RORA: variants seen among roughly 807,000 people sequenced by gnomAD.
RORA encodes the protein RAR related orphan receptor A, also known as nuclear receptor ROR-alpha.
Under a neutral mutation model 69.5 loss-of-function variants are expected in RORA, and 7 were observed. That is an observed-to-expected ratio of 0.10 (90% CI 0.06 to 0.19). The LOEUF is 0.19. RORA is among the 10% of genes least tolerant of loss of function. RORA has a pLI of 1.00. For missense variants in RORA, 457 were observed against 663.0 expected (o/e 0.69, Z 3.41); for synonymous variants, 261 against 240.8 (o/e 1.08, Z -0.78).
chr15:61,127,034 C>T lies in RORA; in HGVS notation c.166+102019G>A, dbSNP rs140843430. On this transcript the variant is annotated intron_variant, in intron 1 of 10. Transcript: ENST00000335670. ...AGCAGCAAACTGAAACACACACACA[C>T]TAAAATCAGATTGCAATTAAAATCC... Among the ~76,000 whole-genome samples, 768 of 152,294 alleles carry T rather than the reference C, an allele frequency of 5.0e-3. 10 individuals are homozygous for T. The highest frequency in any genetic ancestry group is 0.018 in the African/African-American group (728 of 41,552).
intron 1 of RORA, among the ~76,000 whole-genome samples, chr15:60,792,652 A>G (rs2072434034): frequency 6.6e-6 from 1 of 152,254 alleles, no homozygotes; most frequent in Non-Finnish European, 1.5e-5. Flanking sequence ...TCTTTAAGGT[A>G]CAGACTGAAA....
chr15:60,900,596 G>A (rs1051797756), intron 1 of RORA, among the ~76,000 whole-genome samples: 6 of 152,070 alleles, frequency 3.9e-5, no homozygotes, highest in South Asian at 2.1e-4. Flanking sequence ...CATATGGGCT[G>A]GGTGCAGTGG....
chr15:61,152,365 A>G (rs1179631879), intron 1 of RORA, among the ~76,000 whole-genome samples: 1 of 152,140 alleles, frequency 6.6e-6, no homozygotes, highest in Non-Finnish European at 1.5e-5. Flanking sequence ...ATTCACTGTG[A>G]GGAAAAGAGT....
At chr15:61,107,194 A>G (rs2140770741) in intron 1 of RORA, among the ~76,000 whole-genome samples, 1 of 152,330 alleles carries the variant, frequency 6.6e-6, no homozygotes, top group African/African-American at 2.4e-5. Context: ...CCAAAGCTAA[A>G]CACACAGGAG....
chr15:61,143,874 G>C (rs762376940), intron 1 of RORA, among the ~76,000 whole-genome samples: 1 of 151,894 alleles, frequency 6.6e-6, no homozygotes, highest in Non-Finnish European at 1.5e-5. Context: ...ATTAGGCAAG[G>C]AACAAAAACC....
intron 1 of RORA, among the ~76,000 whole-genome samples, chr15:60,899,465 G>A (rs2140465978): frequency 6.6e-6 from 1 of 152,324 alleles, no homozygotes; most frequent in South Asian, 2.1e-4. Context: ...TATAGTGACT[G>A]AGTGAAAAGT....
intron 1 of RORA, among the ~76,000 whole-genome samples, chr15:61,065,051 A>AT (rs2078238143): frequency 6.6e-6 from 1 of 152,216 alleles, no homozygotes; most frequent in Admixed American, 6.5e-5. Flanking sequence ...AGGCTCCAGA[A>AT]TGTATCACAA....
chr15:61,140,496 T>C (rs1402950413), intron 1 of RORA, among the ~76,000 whole-genome samples: 3 of 152,280 alleles, frequency 2.0e-5, no homozygotes, highest in East Asian at 1.9e-4. Context: ...TTAATTGTTA[T>C]CTGCTTGAAC....
At chr15:60,582,856 T>A (rs958647906) in intron 2 of RORA, among the ~76,000 whole-genome samples, 4 of 152,200 alleles carry the variant, frequency 2.6e-5, no homozygotes, top group African/African-American at 7.2e-5. Flanking sequence ...TTTGATTCAG[T>A]TCCCTGATGT....
At chr15:60,970,444 A>T (rs372208187) in intron 1 of RORA, among the ~76,000 whole-genome samples, 1 of 152,168 alleles carries the variant, frequency 6.6e-6, no homozygotes, top group African/African-American at 2.4e-5. Flanking sequence ...CGTGCCAGGC[A>T]TTGTATGAGG....
At chr15:61,112,281 G>A (rs189162314) in intron 1 of RORA, among the ~76,000 whole-genome samples, 13 of 152,188 alleles carry the variant, frequency 8.5e-5, no homozygotes, top group South Asian at 2.1e-4. Flanking sequence ...GTATTGATCC[G>A]TCATGGACTG....
At chr15:60,516,037 A>T (rs866851113) in intron 3 of RORA, among the ~76,000 whole-genome samples, 3,758 of 11,368 alleles carry the variant, frequency 0.33, 842 homozygotes, top group East Asian at 0.6. Context: ...ATTTATATAT[A>T]TTTATATATT....
At chr15:60,506,552 G>A (rs72748703) in intron 5 of RORA, among the ~76,000 whole-genome samples, 2,022 of 152,236 alleles carry the variant, frequency 0.013, 24 homozygotes, top group Middle Eastern at 0.02. Context: ...AATTGAAGCT[G>A]TCAGAAAAGG....
At chr15:61,184,104 G>A (rs777531963) in intron 1 of RORA, among the ~76,000 whole-genome samples, 1 of 152,180 alleles carries the variant, frequency 6.6e-6, no homozygotes, top group Non-Finnish European at 1.5e-5. Flanking sequence ...ATGTGAGAAT[G>A]TACTTGCTTC....
In RORA at chr15:60,866,820, T is replaced by TTATCTATCTATCTATCTATC. The variant is rs535434841; in HGVS notation, c.167-188154_167-188135dup. 3.6e-3 allele frequency among the ~76,000 whole-genome samples: 525 copies of TTATCTATCTATCTATCTATC among 146,782 alleles called. 1 individual carries two copies. Among genetic ancestry groups the TTATCTATCTATCTATCTATC allele is most frequent in the Middle Eastern group, 6.8e-3 (2 of 294 alleles). On this transcript the variant is annotated intron_variant, in intron 1 of 10. Transcript: ENST00000335670. ...GGTGTTCCTGAGTTGTATCTTATCT[T>TTATCTATCTATCTATCTATC]TATCTATCTATCTATCTATCTATCT...
intron 1 of RORA, among the ~76,000 whole-genome samples, chr15:61,029,086 G>A (rs1205080832): frequency 6.6e-6 from 1 of 151,872 alleles, no homozygotes; most frequent in Non-Finnish European, 1.5e-5. Context: ...ACACCTCTGT[G>A]AATATATTAA....
chr15:60,538,022 C>T (rs2066732071), intron 2 of RORA, among the ~76,000 whole-genome samples: 1 of 152,086 alleles, frequency 6.6e-6, no homozygotes, highest in East Asian at 1.9e-4. Flanking sequence ...TATTATCATC[C>T]CCATTTTACA....
chr15:60,785,790 A>G (rs1246465788), intron 1 of RORA, among the ~76,000 whole-genome samples: 1 of 152,174 alleles, frequency 6.6e-6, no homozygotes, highest in Non-Finnish European at 1.5e-5. Flanking sequence ...CCTCCCCTCC[A>G]TATTGAGGCT....
chr15:61,136,309 T>A (rs2079239624), intron 1 of RORA, among the ~76,000 whole-genome samples: 2 of 152,130 alleles, frequency 1.3e-5, no homozygotes, highest in African/African-American at 4.8e-5. Flanking sequence ...TCTTAAACAG[T>A]TATGTGATGC....
Sources: gnomAD v4.1 joint callset for allele counts (sites outside exome capture counted in the v4.1 genomes callset) on GRCh38, gnomAD v4.1.1 for gene constraint, MANE v1.5 for transcripts, NCBI Gene and HGNC (gene_info 2026-07-23, HGNC 2026-07-21) for gene names.